BCAT2: variants seen among roughly 807,000 people sequenced by gnomAD.
The protein encoded by BCAT2 is branched chain amino acid transaminase 2.
BCAT2 carries 44 observed loss-of-function variants against 52.9 expected under a neutral mutation model. That is an observed-to-expected ratio of 0.83 (90% CI 0.65 to 1.07). The LOEUF (loss-of-function observed/expected upper bound fraction) is 1.07, where lower values mean the gene tolerates loss of function less well. Among genes scored for constraint, BCAT2 ranks in the 50% least tolerant of loss-of-function variants. BCAT2 has a pLI of 0.00. For missense variants in BCAT2, 478 were observed against 521.8 expected (o/e 0.92, Z 0.82); for synonymous variants, 215 against 217.1 (o/e 0.99, Z 0.08).
intron 3 of BCAT2, 133 bp downstream of exon 3, chr19:48,806,384 G>C (rs1010537100): frequency 2.2e-5 from 27 of 1,216,964 alleles, no homozygotes; most frequent in Non-Finnish European, 3.1e-5. Flanking sequence ...GAAGGCCTCA[G>C]AAAACAAATG....
Position 48,806,715 on chromosome 19 carries a change from A to G in BCAT2, c.102T>C (p.Ala34=), listed in dbSNP as rs781004194. The G allele has an allele frequency of 6.2e-7, 1 of 1,612,828 alleles. No homozygotes were observed. The highest frequency in any genetic ancestry group is 8.5e-7 in the Non-Finnish European group (1 of 1,180,006). Residue 34 remains alanine, a splice_region_variant and synonymous_variant, in exon 3 of 11, where the codon GCT becomes GCC. Transcript: ENST00000316273. ...PRRYASSSFK[A]ADLQLEMTQK... ...GTGTCATTTCCAGCTGCAGGTCTGCAGCCTGAGGAAAGACAGGGGTATCCT... is the reference window on the plus strand; with the variant it reads ...GTGTCATTTCCAGCTGCAGGTCTGCGGCCTGAGGAAAGACAGGGGTATCCT...
rs377598825 is a variant in BCAT2 at position 48,800,013 on chromosome 19, G to T, written c.499C>A (p.Leu167Ile). The change falls in exon 5 of 11, where the codon CTC becomes ATC. Residue 167 changes from leucine to isoleucine, a missense_variant. Coordinates refer to ENST00000316273, the MANE Select transcript of BCAT2 (RefSeq NM_001190.4). ...DWVPDAAGTS[L>I]YVRPVLIGNE... ...CCAATGAGCACAGGCCGCACATAGA[G>T]GCTGGTGCCGGCGGCATCGGGGACC... 291 of 1,613,390 alleles carry T rather than the reference G, an allele frequency of 1.8e-4. No homozygotes were observed. Among genetic ancestry groups the T allele is most frequent in the Middle Eastern group, 1.2e-3 (7 of 6,058 alleles).
At chr19:48,808,406 AAAAAAAAC>A in intron 1 of BCAT2, 2 of 355,386 alleles carry the variant, frequency 5.6e-6, no homozygotes, top group Non-Finnish European at 7.9e-6. Context: ...AACAGAAAAA[AAAAAAAAC>A]AAAAACAGAA....
Position 48,807,326 on chromosome 19 carries a change from C to T in BCAT2, c.25-252G>A. 1 of 421,870 alleles carries T rather than the reference C, an allele frequency of 2.4e-6. No individual in the cohort carries two copies. Among genetic ancestry groups the T allele is most frequent in the Non-Finnish European group, 4.3e-6 (1 of 232,704 alleles). 26.1% of individuals were successfully genotyped at this position (421,870 alleles called of 1,614,324 possible). A position where few individuals can be genotyped will look rare whatever the true frequency, so the allele number is the denominator to read the frequency against. ...CTGCGGCAAAGTCAAACGCAAGCGC[C>T]TCCCACCCCAGAGACCTTTGGTCGC... On this transcript the variant is annotated intron_variant, in intron 1 of 10. Transcript: ENST00000316273. The surrounding 1 kb of genome is among the most constrained non-coding windows in gnomAD (Gnocchi z 4.6).
In BCAT2 at chr19:48,799,957, T is replaced by G. The variant is rs755257830; in HGVS notation, c.531+24A>C. 6.2e-7 allele frequency: 1 copy of G among 1,611,352 alleles called. No homozygotes were observed. Among genetic ancestry groups the G allele is most frequent in the African/African-American group, 1.3e-5 (1 of 74,868 alleles). ...AGAATCCAACCCCCGCAGCCCAGCTTCCCAGCCCTGGAGTTGGGCCCACCT... is the reference window on the plus strand; with the variant it reads ...AGAATCCAACCCCCGCAGCCCAGCTGCCCAGCCCTGGAGTTGGGCCCACCT... On this transcript the variant is annotated intron_variant, in intron 5 of 10. Transcript: ENST00000316273. The surrounding 1 kb of genome is among the most constrained non-coding windows in gnomAD (Gnocchi z 5.5).
At position 48,807,036 on chromosome 19, in the gene BCAT2, C is replaced by T. The variant is rs747437011; in HGVS notation, c.63G>A (p.Leu21=). The change falls in exon 2 of 11, where the codon CTG becomes CTA. Residue 21 remains leucine (L), a synonymous_variant. Transcript: ENST00000316273. This position sits in a 1 kb window ranked among gnomAD's most constrained non-coding sequence, Gnocchi z 4.6. ...ARKLLSVPWL[L]CGPRRYASSS... ...AGGAGGCATATCTTCTGGGACCACA[C>T]AGAAGCCAAGGGACAGAGAGAAGCT... 5 of 1,613,928 alleles carry T rather than the reference C, an allele frequency of 3.1e-6. No homozygotes were observed. In the African/African-American group the frequency reaches 6.7e-5, roughly 22 times the overall value.
Position 48,799,783 on chromosome 19 carries a change from G to C in BCAT2, c.587C>G (p.Pro196Arg). ...GCCTCCAGGGAAGTAGGCACCCACT[G>C]GGCAGAGAATGACGAACAGGAGCGC... ...TRALLFVILC[P>R]VGAYFPGGSV... is the part of the protein sequence containing the mutation. The change falls in exon 6 of 11, where the codon CCA (proline) becomes CGA (arginine). Residue 196 changes from proline to arginine, a missense_variant. Transcript: ENST00000316273. This position sits in a 1 kb window ranked among gnomAD's most constrained non-coding sequence, Gnocchi z 5.5. 6.4e-7 allele frequency: 1 copy of C among 1,567,962 alleles called. No homozygotes were observed. The highest frequency in any genetic ancestry group is 8.6e-7 in the Non-Finnish European group (1 of 1,156,388).
chr19:48,798,466 A>G (rs535392496), intron 6 of BCAT2, among the ~76,000 whole-genome samples: 9 of 152,264 alleles, frequency 5.9e-5, no homozygotes, highest in South Asian at 2.1e-4. Context: ...TCAAAACCCA[A>G]ACTTATTTTT....
In BCAT2 at chr19:48,802,737, C is replaced by T. The variant is rs910420683; in HGVS notation, c.301-2440G>A. 2.0e-5 allele frequency among the ~76,000 whole-genome samples: 3 copies of T among 152,092 alleles called. No individual in the cohort carries two copies. In the East Asian group the frequency reaches 5.8e-4, roughly 29 times the overall value. On this transcript the variant is annotated intron_variant, in intron 3 of 10. Transcript: ENST00000316273. ...TGCTGGGATTGCAGGTGAGCCATCACAGCCGGCCCTGTACTAGATTCTTTA... is the reference window on the plus strand; with the variant it reads ...TGCTGGGATTGCAGGTGAGCCATCATAGCCGGCCCTGTACTAGATTCTTTA...
At chr19:48,797,368 G>A in intron 6 of BCAT2, 35 bp from the exon 7 acceptor site, 1 of 1,611,656 alleles carries the variant, frequency 6.2e-7, no homozygotes. Context: ...TGGGGCAAGG[G>A]AGCCCCATCC....
At chr19:48,810,880 G>A in intron 1 of BCAT2, 104 bp downstream of exon 1, 1 of 1,545,170 alleles carries the variant, frequency 6.5e-7, no homozygotes, top group Non-Finnish European at 8.7e-7. Flanking sequence ...ACCCCAGGGC[G>A]GGAGGAGCGG....
At chr19:48,805,136 T>C (rs2034738799) in intron 3 of BCAT2, among the ~76,000 whole-genome samples, 1 of 152,156 alleles carries the variant, frequency 6.6e-6, no homozygotes, top group Non-Finnish European at 1.5e-5. Context: ...AGCTGTAAGA[T>C]GCTCACTTAA....
In BCAT2 at chr19:48,811,018, G is replaced by T; in HGVS notation, c.-11C>A. 6.3e-7 allele frequency: 1 copy of T among 1,599,906 alleles called. No homozygotes were observed. The highest frequency in any genetic ancestry group is 8.5e-7 in the Non-Finnish European group (1 of 1,174,594). On this transcript the variant is annotated 5_prime_UTR_variant, in exon 1 of 11. Transcript: ENST00000316273. ...AGCGGCTGCGGCCATGATCCGTGCG[G>T]CGCGTAACTGTGCCCGCCCGGGGCG...
chr19:48,797,252 G>T lies in BCAT2; in HGVS notation c.777C>A (p.Asp259Glu). ...TGGTTCCCACCTCGGTGAGCTGGTG[G>T]TCGGGCCCATACAGCCAGAGGACCT... ...CEQVLWLYGPDHQLTEVGTMN... is the reference protein window; with the variant it reads ...CEQVLWLYGPEHQLTEVGTMN... The change falls in exon 7 of 11, where the codon GAC (aspartate) becomes GAA (glutamate). Residue 259 changes from aspartate (D) to glutamate (E), a missense_variant. Transcript: ENST00000316273. 1 of 1,613,946 alleles carries T rather than the reference G, an allele frequency of 6.2e-7. No homozygotes were observed. The highest frequency in any genetic ancestry group is 8.5e-7 in the Non-Finnish European group (1 of 1,179,940).
chr19:48,796,269 G>A (rs1376483741), intron 10 of BCAT2, 159 bp downstream of exon 10: 2 of 920,478 alleles, frequency 2.2e-6, no homozygotes, highest in Non-Finnish European at 3.3e-6. Flanking sequence ...AGGCCACAGA[G>A]CAGCACAGAA....
intron 6 of BCAT2, 53 bp from the exon 7 acceptor site, chr19:48,797,386 G>C: frequency 6.2e-7 from 1 of 1,603,408 alleles, no homozygotes; most frequent in Non-Finnish European, 8.5e-7. Context: ...TCCTTCCCCA[G>C]CCCAGCCCCA....
At position 48,800,114 on chromosome 19, in the gene BCAT2, T is replaced by C. The variant is rs768134946; in HGVS notation, c.412-14A>G. The stretch of plus-strand genomic sequence containing the variant: ...CTTGTCGAAACTCTGGGTGGGATTC[T>C]GAATGAGTCAAGGGGCCCTTGCTGC... On this transcript the variant is annotated splice_polypyrimidine_tract_variant and intron_variant, in intron 4 of 10. Transcript: ENST00000316273. The C allele has an allele frequency of 1.1e-5, 17 of 1,613,638 alleles. No individual in the cohort carries two copies. Among genetic ancestry groups the C allele is most frequent in the Non-Finnish European group, 1.4e-5 (16 of 1,179,794 alleles).
chr19:48,801,565 AATAT>A (rs377161701), intron 3 of BCAT2, among the ~76,000 whole-genome samples: 1 of 150,338 alleles, frequency 6.7e-6, no homozygotes. Flanking sequence ...GTCTAAACAA[AATAT>A]ATATATATAT....
chr19:48,810,034 C>T (rs1239646944), intron 1 of BCAT2, among the ~76,000 whole-genome samples: 2 of 152,120 alleles, frequency 1.3e-5, no homozygotes, highest in South Asian at 2.1e-4. Flanking sequence ...TGAGACGGTC[C>T]ACATCAGTCC....
Sources: allele counts gnomAD v4.1 joint callset (sites outside exome capture counted in the v4.1 genomes callset), GRCh38; gene constraint gnomAD v4.1.1; non-coding constraint Gnocchi (gnomAD v3.1); transcripts MANE v1.5; gene names NCBI Gene and HGNC (gene_info 2026-07-23, HGNC 2026-07-21).